The following CAST variants were observed in gnomAD, a reference collection of about 807,000 sequenced individuals.
The protein encoded by CAST is MIR583 host.
CAST carries 76 observed loss-of-function variants against 119.6 expected under a neutral mutation model. That is an observed-to-expected ratio of 0.64 (90% CI 0.53 to 0.77). CAST has a LOEUF of 0.77. Ranked by LOEUF, CAST falls within the 30% of genes least tolerant of loss-of-function variation. The pLI, the probability that CAST is intolerant of heterozygous loss-of-function variation, is 0.00. For synonymous variants in CAST, 319 were observed against 331.6 expected (o/e 0.96, Z 0.41); for missense variants, 953 against 946.5 (o/e 1.01, Z -0.09).
the CAST span, among the ~76,000 whole-genome samples, chr5:96,097,956 A>G: frequency 2.6e-5 from 4 of 152,208 alleles, no homozygotes; most frequent in South Asian, 2.1e-4. Flanking sequence ...AACAGTGAGT[A>G]AGTATTCATT....
At chr5:95,978,350 G>A in the CAST span, among the ~76,000 whole-genome samples, 13 of 152,218 alleles carry the variant, frequency 8.5e-5, no homozygotes, top group Non-Finnish European at 1.6e-4. Flanking sequence ...TCTGACTGGT[G>A]TGAGATGATA....
At chr5:96,085,560 T>G in the CAST span, among the ~76,000 whole-genome samples, 1 of 152,232 alleles carries the variant, frequency 6.6e-6, no homozygotes, top group Non-Finnish European at 1.5e-5. Flanking sequence ...GGCTAAGAAC[T>G]GAGGTTGTAA....
the CAST span, among the ~76,000 whole-genome samples, chr5:96,488,338 G>A: frequency 2.6e-5 from 4 of 151,892 alleles, no homozygotes. Context: ...AGCATTTAAT[G>A]ATATCCAGAA....
the CAST span, among the ~76,000 whole-genome samples, chr5:96,406,978 T>C: frequency 3.9e-5 from 6 of 152,306 alleles, no homozygotes; most frequent in Admixed American, 3.9e-4. Context: ...TATTGGACTA[T>C]TGGGTAATTA....
chr5:96,552,800 G>C (rs146282607), intron 1 of CAST, among the ~76,000 whole-genome samples: 6,237 of 152,170 alleles, frequency 0.041, 211 homozygotes, highest in African/African-American at 0.089. Flanking sequence ...AAATAAACTA[G>C]AAAATCTAAA....
chr5:96,138,000 C>T, the CAST span, among the ~76,000 whole-genome samples: 1 of 151,904 alleles, frequency 6.6e-6, no homozygotes, highest in Admixed American at 6.6e-5. Context: ...TAACAAAGTC[C>T]AACTTATGAA....
chr5:96,112,507 T>A, the CAST span, among the ~76,000 whole-genome samples: 1 of 152,216 alleles, frequency 6.6e-6, no homozygotes, highest in Admixed American at 6.5e-5. Flanking sequence ...AAGTTACATA[T>A]ATATATCCTA....
chr5:96,068,786 CAT>C, the CAST span, among the ~76,000 whole-genome samples: 3 of 150,744 alleles, frequency 2.0e-5, no homozygotes, highest in Admixed American at 6.6e-5. Flanking sequence ...AATATATACA[CAT>C]GTGTGTATAT....
chr5:96,402,916 T>C, the CAST span, among the ~76,000 whole-genome samples: 1 of 152,126 alleles, frequency 6.6e-6, no homozygotes, highest in African/African-American at 2.4e-5. Flanking sequence ...GTAAATAGAA[T>C]AGGACATTTT....
intron 1 of CAST, among the ~76,000 whole-genome samples, chr5:96,604,356 C>G (rs574101016): frequency 3.9e-5 from 6 of 152,122 alleles, no homozygotes; most frequent in Admixed American, 6.5e-5. Flanking sequence ...TAAATTGGTT[C>G]CTATATTCAA....
chr5:96,137,483 G>A, the CAST span, among the ~76,000 whole-genome samples: 6 of 151,996 alleles, frequency 3.9e-5, no homozygotes, highest in Non-Finnish European at 8.8e-5. Context: ...TCATGCTCAG[G>A]TTTTTGCATG....
chr5:96,541,169 G>A (rs2117142), intron 1 of CAST, among the ~76,000 whole-genome samples: 67,271 of 151,896 alleles, frequency 0.44, 15,682 homozygotes, highest in East Asian at 0.86. Flanking sequence ...TTATGAAATC[G>A]TTTATGTGTA....
At chr5:95,972,189 C>T in the CAST span, among the ~76,000 whole-genome samples, 5 of 151,220 alleles carry the variant, frequency 3.3e-5, no homozygotes, top group Non-Finnish European at 7.4e-5. Flanking sequence ...TCTCAAACAG[C>T]CTCCCAAAGT....
At chr5:96,412,924 C>T in the CAST span, 1 of 1,005,878 alleles carries the variant, frequency 9.9e-7, no homozygotes, top group Admixed American at 5.3e-5. Flanking sequence ...GACAGACCAG[C>T]TTTCAGAAAG....
At chr5:96,269,283 A>T in the CAST span, among the ~76,000 whole-genome samples, 24 of 152,316 alleles carry the variant, frequency 1.6e-4, no homozygotes, top group African/African-American at 5.5e-4. Flanking sequence ...AAATATCTAT[A>T]TACCCAACAA....
chr5:96,565,894 G>T (rs1746457968), intron 1 of CAST, among the ~76,000 whole-genome samples: 1 of 152,078 alleles, frequency 6.6e-6, no homozygotes, highest in South Asian at 2.1e-4. Context: ...ATTTCAACAG[G>T]CATATTTCCA....
the CAST span, among the ~76,000 whole-genome samples, chr5:96,230,307 T>C: frequency 1.3e-5 from 2 of 152,204 alleles, no homozygotes; most frequent in Non-Finnish European, 2.9e-5. Context: ...ACCTACTCTG[T>C]AAGTCCTTTT....
chr5:96,085,050 T>G, the CAST span, among the ~76,000 whole-genome samples: 9 of 152,278 alleles, frequency 5.9e-5, no homozygotes, highest in African/African-American at 2.2e-4. Context: ...TTCTCTAACC[T>G]TGAAGCTAGA....
the CAST span, among the ~76,000 whole-genome samples, chr5:96,231,926 C>A: frequency 1.3e-5 from 2 of 152,032 alleles, no homozygotes; most frequent in African/African-American, 2.4e-5. Context: ...TGATGCCAAT[C>A]CCAATTGCAA....
Sources: allele counts gnomAD v4.1 joint callset (sites outside exome capture counted in the v4.1 genomes callset), GRCh38; gene constraint gnomAD v4.1.1; transcripts MANE v1.5; gene names NCBI Gene and HGNC (gene_info 2026-07-23, HGNC 2026-07-21).